The following C6orf89 variants were observed in gnomAD, a reference collection of about 807,000 sequenced individuals.
C6orf89 encodes the protein bombesin receptor-activated protein C6orf89.
A neutral mutation model predicts 40.7 loss-of-function variants in C6orf89; 29 were observed. The ratio of observed to expected loss-of-function variants is 0.71; its 90% CI spans 0.53 to 0.97. The LOEUF (loss-of-function observed/expected upper bound fraction) is 0.97, where lower values mean the gene tolerates loss of function less well. Among genes scored for constraint, C6orf89 ranks in the 50% least tolerant of loss-of-function variants. C6orf89 has a pLI of 0.00. For synonymous variants in C6orf89, 165 were observed against 152.2 expected (o/e 1.08, Z -0.62); for missense variants, 392 against 429.1 (o/e 0.91, Z 0.76).
intron 2 of C6orf89, among the ~76,000 whole-genome samples, chr6:36,898,631 C>T (rs958539063): frequency 9.2e-5 from 14 of 152,054 alleles, no homozygotes; most frequent in African/African-American, 3.4e-4. Flanking sequence ...CTCTACTTTG[C>T]CCCATTAGTT....
At chr6:36,874,279 T>TTTAC in intron 1 of C6orf89, among the ~76,000 whole-genome samples, 1 of 152,236 alleles carries the variant, frequency 6.6e-6, no homozygotes, top group African/African-American at 2.4e-5. Flanking sequence ...CTTCCTGTAT[T>TTTAC]TTACTGGAAT....
At chr6:36,918,269 T>C (rs954157636) in intron 7 of C6orf89, among the ~76,000 whole-genome samples, 3 of 152,262 alleles carry the variant, frequency 2.0e-5, no homozygotes, top group African/African-American at 7.2e-5. Flanking sequence ...TGTCTGTTTC[T>C]TCCCATCCTG....
chr6:36,885,883 G>C (rs1398756058), upstream of C6orf89: 8 of 628,180 alleles, frequency 1.3e-5, no homozygotes, highest in East Asian at 2.8e-4. Context: ...GACGAGAGGA[G>C]GAATTACTCT....
intron 4 of C6orf89, among the ~76,000 whole-genome samples, 160 bp downstream of exon 4, chr6:36,902,594 C>T (rs1010485264): frequency 6.6e-6 from 1 of 152,010 alleles, no homozygotes. Flanking sequence ...GTTTATTATC[C>T]CCGTTTCACA....
At chr6:36,881,397 G>T (rs968040062), upstream of C6orf89, among the ~76,000 whole-genome samples, 2 of 152,224 alleles carry the variant, frequency 1.3e-5, no homozygotes, top group African/African-American at 2.4e-5. Flanking sequence ...TAGGGGCCAG[G>T]CACGGTGGCC....
chr6:36,879,858 G>A (rs1471441848), intron 2 of C6orf89, among the ~76,000 whole-genome samples: 1 of 152,060 alleles, frequency 6.6e-6, no homozygotes, highest in African/African-American at 2.4e-5. Context: ...GGGATTTTAG[G>A]GTTTATGCCA....
At chr6:36,919,187 C>CTA (rs1762425874) in intron 7 of C6orf89, among the ~76,000 whole-genome samples, 1 of 152,248 alleles carries the variant, frequency 6.6e-6, no homozygotes, top group Non-Finnish European at 1.5e-5. Flanking sequence ...TCTGCTGGAA[C>CTA]TACCTTTGTT....
In C6orf89 at chr6:36,927,515, T is replaced by G. The variant is rs1762724782; in HGVS notation, c.*4074T>G. Reference sequence around the variant, plus strand: ...AGAATCAGTTATAAACAGAAGGGCCTCTTAGGATTTTGAGCTCTCCTGACA... The same window carrying G: ...AGAATCAGTTATAAACAGAAGGGCCGCTTAGGATTTTGAGCTCTCCTGACA... On this transcript the variant is annotated 3_prime_UTR_variant, in exon 9 of 9. Coordinates refer to ENST00000480824, the MANE Select transcript of C6orf89 (RefSeq NM_001286635.2). The G allele has an allele frequency of 6.6e-6, 1 of 152,236 alleles. No homozygotes were observed. Among genetic ancestry groups the G allele is most frequent in the African/African-American group, 2.4e-5 (1 of 41,460 alleles). The allele number at this position is 152,236 out of a possible 1,614,324, so 9.4% of individuals were successfully genotyped here.
intron 2 of C6orf89, among the ~76,000 whole-genome samples, chr6:36,896,952 A>AC (rs1188954793): frequency 6.6e-6 from 1 of 151,624 alleles, no homozygotes; most frequent in Non-Finnish European, 1.5e-5. Context: ...ACATGGTGAA[A>AC]CCCCGTCTCT....
chr6:36,878,322 T>C (rs559338874), intron 1 of C6orf89, among the ~76,000 whole-genome samples: 9 of 152,352 alleles, frequency 5.9e-5, no homozygotes, highest in Admixed American at 1.3e-4. Context: ...ATAGCATTAG[T>C]CTGAACCCAG....
At chr6:36,877,813 G>A (rs1253626653) in intron 1 of C6orf89, among the ~76,000 whole-genome samples, 1 of 152,134 alleles carries the variant, frequency 6.6e-6, no homozygotes, top group Non-Finnish European at 1.5e-5. Flanking sequence ...TTTTCCATAT[G>A]TGTGCCATTT....
At chr6:36,907,388 G>A (rs1223029903) in intron 4 of C6orf89, among the ~76,000 whole-genome samples, 1 of 152,102 alleles carries the variant, frequency 6.6e-6, no homozygotes, top group Non-Finnish European at 1.5e-5. Context: ...TGTCTACAGA[G>A]AACCAGCCTA....
chr6:36,899,230 G>A (rs954853564), intron 2 of C6orf89, among the ~76,000 whole-genome samples, 196 bp from the exon 3 acceptor site: 1 of 152,030 alleles, frequency 6.6e-6, no homozygotes. Context: ...CACAGTTAAC[G>A]AATATTTTAA....
At chr6:36,907,009 CT>C (rs1335722603) in intron 4 of C6orf89, among the ~76,000 whole-genome samples, 4 of 152,164 alleles carry the variant, frequency 2.6e-5, no homozygotes. Context: ...GTTAAAGCTT[CT>C]GAAAAATCAG....
At chr6:36,922,546 C>T (rs1014400031) in intron 8 of C6orf89, among the ~76,000 whole-genome samples, 1 of 152,122 alleles carries the variant, frequency 6.6e-6, no homozygotes, top group African/African-American at 2.4e-5. Flanking sequence ...TTTGAAAAGA[C>T]CCTTGGCAAG....
intron 3 of C6orf89, 46 bp downstream of exon 3, chr6:36,899,679 T>C (rs1317994336): frequency 1.3e-6 from 2 of 1,555,590 alleles, no homozygotes; most frequent in South Asian, 1.1e-5. Context: ...GAACACAAAC[T>C]GTTCAACATT....
At chr6:36,904,455 T>C (rs1463227374) in intron 4 of C6orf89, among the ~76,000 whole-genome samples, 1 of 152,184 alleles carries the variant, frequency 6.6e-6, no homozygotes, top group African/African-American at 2.4e-5. Context: ...TACTTGTAAA[T>C]GTGGATGTGG....
intron 2 of C6orf89, among the ~76,000 whole-genome samples, chr6:36,879,351 T>C (rs921732863): frequency 1.3e-5 from 2 of 152,208 alleles, no homozygotes; most frequent in African/African-American, 2.4e-5. Context: ...TATTTTGCTC[T>C]GGCCGGAACA....
At chr6:36,923,180 A>T (rs1232179444) in intron 8 of C6orf89, among the ~76,000 whole-genome samples, 167 bp from the exon 9 acceptor site, 1 of 152,212 alleles carries the variant, frequency 6.6e-6, no homozygotes, top group Non-Finnish European at 1.5e-5. Flanking sequence ...AAAATAAAAA[A>T]GGAAAGAAAA....
Sources: gnomAD v4.1 joint callset for allele counts (sites outside exome capture counted in the v4.1 genomes callset) on GRCh38, gnomAD v4.1.1 for gene constraint, MANE v1.5 for transcripts, NCBI Gene and HGNC (gene_info 2026-07-23, HGNC 2026-07-21) for gene names.